DARS1: variants seen among roughly 807,000 people sequenced by gnomAD.
DARS1 encodes the protein aspartyl-tRNA synthetase 1.
A neutral mutation model predicts 68.8 loss-of-function variants in DARS1; 51 were observed. That is an observed-to-expected ratio of 0.74 (90% CI 0.59 to 0.94). The LOEUF (loss-of-function observed/expected upper bound fraction) is 0.94. Among genes scored for constraint, DARS1 ranks in the 40% least tolerant of loss-of-function variants. DARS1 has a pLI of 0.00. For synonymous variants in DARS1, 203 were observed against 190.4 expected, an observed-to-expected ratio of 1.07 and a Z score of -0.55; for missense variants, 607 against 597.3, an observed-to-expected ratio of 1.02 and a Z score of -0.17.
intron 3 of DARS1, among the ~76,000 whole-genome samples, chr2:135,967,127 G>A (rs1461676581): frequency 6.6e-6 from 1 of 152,120 alleles, no homozygotes; most frequent in Non-Finnish European, 1.5e-5. Flanking sequence ...ATCTCTTCCT[G>A]CTGACTTTTA....
In DARS1 at chr2:135,915,774, C is replaced by A. The variant is rs564497919; in HGVS notation, c.1106+452G>T. Among the ~76,000 whole-genome samples, 5 of 152,166 alleles carry A rather than the reference C, an allele frequency of 3.3e-5. No homozygotes were observed. In the South Asian group the frequency reaches 1.0e-3, roughly 32 times the overall value. On this transcript the variant is annotated intron_variant, in intron 11 of 15. Coordinates refer to ENST00000264161, the MANE Select transcript of DARS1 (RefSeq NM_001349.4). ...CCTGTGTGGGGATGGATTTAGACTG[C>A]TGTCTACCTTCTCTAATACCACTAA...
intron 7 of DARS1, among the ~76,000 whole-genome samples, chr2:135,930,839 T>C (rs941639624): frequency 2.6e-5 from 4 of 152,172 alleles, no homozygotes; most frequent in African/African-American, 7.2e-5. Flanking sequence ...CTCTCCTGAA[T>C]AGATTCTGAG....
At chr2:135,934,311 T>G (rs186267888) in intron 5 of DARS1, among the ~76,000 whole-genome samples, 1 of 152,306 alleles carries the variant, frequency 6.6e-6, no homozygotes, top group East Asian at 1.9e-4. Flanking sequence ...TGGCTTACGG[T>G]CTAGCTATGT....
intron 15 of DARS1, among the ~76,000 whole-genome samples, chr2:135,908,631 A>C (rs916032875): frequency 2.0e-5 from 3 of 152,156 alleles, no homozygotes; most frequent in Non-Finnish European, 4.4e-5. Context: ...ATGGTATCTC[A>C]TTGTGGTTTT....
At position 135,911,209 on chromosome 2, in the gene DARS1, A is replaced by G. The variant is rs750337537; in HGVS notation, c.1344T>C (p.Asp448=). 1 of 1,505,348 alleles carries G rather than the reference A, an allele frequency of 6.6e-7. No homozygotes were observed. The highest frequency in any genetic ancestry group is 9.2e-7 in the Non-Finnish European group (1 of 1,082,526). 93.2% of individuals were successfully genotyped at this position (1,505,348 alleles called of 1,614,324 possible). A position where few individuals can be genotyped will look rare whatever the true frequency, so the allele number is the denominator to read the frequency against. ...LTERALHHGI[D]LEKIKAYIDS... ...CAATGTAAGCCTTAATTTTCTCCAA[A>G]TCTGCAAAAAGACACAAAACAAAAT... Residue 448 remains aspartate (D), a splice_region_variant and synonymous_variant, in exon 15 of 16, where the codon GAT becomes GAC. Transcript: ENST00000264161.
intron 3 of DARS1, among the ~76,000 whole-genome samples, chr2:135,967,654 G>A (rs573176686): frequency 6.6e-6 from 1 of 152,052 alleles, no homozygotes; most frequent in South Asian, 2.1e-4. Context: ...GGCTTTTCTT[G>A]TTTTGTTTTT....
At chr2:135,959,975 G>A (rs890565471) in intron 4 of DARS1, among the ~76,000 whole-genome samples, 1 of 152,018 alleles carries the variant, frequency 6.6e-6, no homozygotes, top group African/African-American at 2.4e-5. Context: ...CTATGTCTGC[G>A]GTTTCCAGGA....
intron 2 of DARS1, among the ~76,000 whole-genome samples, chr2:135,982,921 GAA>G (rs1682669625): frequency 6.6e-6 from 1 of 152,084 alleles, no homozygotes; most frequent in South Asian, 2.1e-4. Context: ...ATGCTGTAGA[GAA>G]TAAGTGAAAA....
rs538751559 is a variant in DARS1 at position 135,908,925 on chromosome 2, CAT to C, written c.1415-1520_1415-1519del. ...TAGACTGGATAAAGTAAACGTAGTACATATATACCACGGAATACTATGCAGCC... is the reference window on the plus strand; with the variant it reads ...TAGACTGGATAAAGTAAACGTAGTACATATACCACGGAATACTATGCAGCC... On this transcript the variant is annotated intron_variant, in intron 15 of 15. Coordinates refer to ENST00000264161, the MANE Select transcript of DARS1 (RefSeq NM_001349.4). Among the ~76,000 whole-genome samples the C allele has an allele frequency of 5.8e-4, 89 of 152,266 alleles. 1 individual carries two copies. The highest frequency in any genetic ancestry group is 2.0e-3 in the African/African-American group (84 of 41,558).
intron 7 of DARS1, among the ~76,000 whole-genome samples, chr2:135,925,275 C>A (rs918740821): frequency 1.3e-5 from 2 of 152,148 alleles, no homozygotes; most frequent in African/African-American, 4.8e-5. Flanking sequence ...ATCTTTAGGT[C>A]CTGGCTTATT....
At chr2:135,968,386 T>A (rs113316632) in intron 3 of DARS1, among the ~76,000 whole-genome samples, 4 of 152,210 alleles carry the variant, frequency 2.6e-5, no homozygotes, top group African/African-American at 4.8e-5. Flanking sequence ...GTAATTTATA[T>A]GGAAACAAAC....
At chr2:135,959,967 A>AG (rs1682065575) in intron 4 of DARS1, among the ~76,000 whole-genome samples, 1 of 152,176 alleles carries the variant, frequency 6.6e-6, no homozygotes, top group African/African-American at 2.4e-5. Flanking sequence ...TTTAGCATCT[A>AG]TGTCTGCGGT....
Position 135,961,433 on chromosome 2 carries a change from C to G in DARS1, c.283G>C (p.Asp95His). The change falls in exon 4 of 16, where the codon GAC becomes CAC. Residue 95 changes from aspartate (D) to histidine (H), a missense_variant. Physicochemically the swap from Asp to His is moderately conservative, Grantham distance 81. Coordinates refer to ENST00000264161, the MANE Select transcript of DARS1 (RefSeq NM_001349.4). Reference sequence around the variant, plus strand: ...TTAACCATCTGCTTGCTTGCATGGTCTCCCACCGCCACAAGAGCCTGGACA... The same window carrying G: ...TTAACCATCTGCTTGCTTGCATGGTGTCCCACCGCCACAAGAGCCTGGACA... ...FNVQALVAVG[D>H]HASKQMVKFA... The G allele has an allele frequency of 6.5e-7, 1 of 1,535,382 alleles. No homozygotes were observed. Among genetic ancestry groups the G allele is most frequent in the East Asian group, 2.2e-5 (1 of 44,516 alleles).
intron 3 of DARS1, among the ~76,000 whole-genome samples, chr2:135,962,284 T>C (rs1050135268): frequency 1.3e-5 from 2 of 152,220 alleles, no homozygotes; most frequent in African/African-American, 2.4e-5. Flanking sequence ...TTCGTTATTA[T>C]GTATCCTTGT....
At chr2:135,931,028 T>C (rs1681330290) in intron 7 of DARS1, among the ~76,000 whole-genome samples, 1 of 152,240 alleles carries the variant, frequency 6.6e-6, no homozygotes, top group Admixed American at 6.5e-5. Context: ...GTATTTTTAA[T>C]CAGGGCACCT....
At chr2:135,940,796 C>A (rs144088309) in intron 5 of DARS1, among the ~76,000 whole-genome samples, 18 of 152,156 alleles carry the variant, frequency 1.2e-4, no homozygotes, top group East Asian at 9.7e-4. Context: ...TAAGCTGATA[C>A]GCAACTTCAG....
chr2:135,906,571 T>C lies in DARS1; in HGVS notation c.*745A>G, dbSNP rs577364147. On this transcript the variant is annotated 3_prime_UTR_variant, in exon 16 of 16. Coordinates refer to ENST00000264161, the MANE Select transcript of DARS1 (RefSeq NM_001349.4). ...CTGAAATGAATACATGTTGACAACA[T>C]ATTAGTCTTTATTTATATAAACTAG... is the stretch of plus-strand genomic sequence containing the variant. The C allele has an allele frequency of 6.6e-6, 1 of 152,290 alleles. No individual in the cohort carries two copies. Among genetic ancestry groups the C allele is most frequent in the Admixed American group, 6.5e-5 (1 of 15,292 alleles). The allele number at this position is 152,290 out of a possible 1,614,324, so 9.4% of individuals were successfully genotyped here.
intron 2 of DARS1, among the ~76,000 whole-genome samples, chr2:135,982,316 C>T (rs1011155893): frequency 5.9e-5 from 9 of 152,112 alleles, no homozygotes; most frequent in Admixed American, 2.6e-4. Context: ...AATATAAGGC[C>T]GGGTGCGGTG....
rs185707259 is a variant in DARS1, at chr2:135,948,726, C to G, written c.321-5246G>C. Among the ~76,000 whole-genome samples the G allele has an allele frequency of 1.8e-3, 278 of 152,082 alleles. 3 individuals carry two copies. The highest frequency in any genetic ancestry group is 6.3e-3 in the African/African-American group (262 of 41,496). ...CTAAAAGTACACAAAAAAAATTTAG[C>G]TGGGCGTGGTAGCGTGTGCCTGTAG... On this transcript the variant is annotated intron_variant, in intron 4 of 15. Transcript: ENST00000264161.
Sources: allele counts gnomAD v4.1 joint callset (sites outside exome capture counted in the v4.1 genomes callset), GRCh38; gene constraint gnomAD v4.1.1; transcripts MANE v1.5; gene names NCBI Gene and HGNC (gene_info 2026-07-23, HGNC 2026-07-21).